The following DLC1 variants were observed in gnomAD, a reference collection of about 807,000 sequenced individuals.
DLC1 encodes DLC1 Rho GTPase activating protein, also known as rho GTPase-activating protein 7.
DLC1 carries 54 observed loss-of-function variants against 140.3 expected under a neutral mutation model. The ratio of observed to expected loss-of-function variants is 0.38; its 90% CI spans 0.31 to 0.48. The LOEUF is 0.48. Among genes scored for constraint, DLC1 ranks in the 20% least tolerant of loss-of-function variants. DLC1 has a pLI of 0.96. For synonymous variants in DLC1, 986 were observed against 728.1 expected, an observed-to-expected ratio of 1.35 and a Z score of -5.70; for missense variants, 2,536 against 1,907.0, an observed-to-expected ratio of 1.33 and a Z score of -6.14.
In DLC1 at chr8:13,499,962, G is replaced by C; in HGVS notation, c.110C>G (p.Ala37Gly). ...TTCCATACTTGCCTGCAAGCTGTCA[G>C]CTACTAGTCCATGATGACATGCTGT... ...RNTACHHGLV[A>G]DSLQASMEKD... is the part of the protein sequence containing the mutation. The change falls in exon 2 of 18, where the codon GCT becomes GGT. Residue 37 changes from alanine to glycine, a missense_variant. Ala to Gly is a moderately conservative substitution (Grantham distance 60). Coordinates refer to ENST00000276297, the MANE Select transcript of DLC1 (RefSeq NM_182643.3). 1 of 1,614,066 alleles carries C rather than the reference G, an allele frequency of 6.2e-7. No individual in the cohort carries two copies. The highest frequency in any genetic ancestry group is 8.5e-7 in the Non-Finnish European group (1 of 1,179,992).
At position 13,487,208 on chromosome 8, in the gene DLC1, A is replaced by G. The variant is rs148702072; in HGVS notation, c.1023+11841T>C. Reference sequence around the variant, plus strand: ...AGAGTATACTTTTGCAAGAAGCAAAATATTGCATTTCCAGTTGTGGATGAT... The same window carrying G: ...AGAGTATACTTTTGCAAGAAGCAAAGTATTGCATTTCCAGTTGTGGATGAT... On this transcript the variant is annotated intron_variant, in intron 2 of 17. Coordinates refer to ENST00000276297, the MANE Select transcript of DLC1 (RefSeq NM_182643.3). Among the ~76,000 whole-genome samples, 82 of 152,338 alleles carry G rather than the reference A, an allele frequency of 5.4e-4. No individual in the cohort carries two copies. The East Asian group carries it at 9.5e-3, about 18-fold the overall frequency.
At chr8:13,263,819 A>C (rs1830567644) in intron 5 of DLC1, among the ~76,000 whole-genome samples, 1 of 151,570 alleles carries the variant, frequency 6.6e-6, no homozygotes, top group African/African-American at 2.4e-5. Flanking sequence ...TATATGTTGA[A>C]CTTTGGCCAT....
In DLC1 at chr8:13,246,467, T is replaced by C. The variant is rs184911445; in HGVS notation, c.1348+58802A>G. On this transcript the variant is annotated intron_variant, in intron 5 of 17. Coordinates refer to ENST00000276297, the MANE Select transcript of DLC1 (RefSeq NM_182643.3). The stretch of plus-strand genomic sequence containing the variant: ...AGTGGTTTTCTTTTTTCTGCGTAGA[T>C]TCACTCATGTGGCATTCTTACGGAG... Among the ~76,000 whole-genome samples the C allele has an allele frequency of 2.8e-4, 42 of 152,276 alleles. 1 individual carries two copies. The highest frequency in any genetic ancestry group is 9.9e-4 in the African/African-American group (41 of 41,544).
intron 5 of DLC1, among the ~76,000 whole-genome samples, chr8:13,169,185 A>C (rs1825297687): frequency 6.6e-6 from 1 of 152,110 alleles, no homozygotes; most frequent in Non-Finnish European, 1.5e-5. Flanking sequence ...CTCATTTTTA[A>C]CCTTTGATTG....
At chr8:13,225,850 C>T (rs1435776483) in intron 5 of DLC1, among the ~76,000 whole-genome samples, 5 of 152,002 alleles carry the variant, frequency 3.3e-5, no homozygotes, top group Non-Finnish European at 7.4e-5. Flanking sequence ...CTCCTGACCT[C>T]GCGATCCGCC....
rs749705851 is a variant in DLC1 at position 13,100,554 on chromosome 8, G to A, written c.1783C>T (p.Arg595Cys). ...AGGCTGCCAGTGCTGCTGAGGCTGC[G>A]GACGGAAGACACCTCCTGGCGCTCG... ...LSERQEVSSVRSLSSTGSLPS... is the reference protein window; with the variant it reads ...LSERQEVSSVCSLSSTGSLPS... Residue 595 changes from arginine to cysteine, a missense_variant, in exon 9 of 18, where the codon CGC becomes TGC. Transcript: ENST00000276297. 9 of 1,613,260 alleles carry A rather than the reference G, an allele frequency of 5.6e-6. No homozygotes were observed. Among genetic ancestry groups the A allele is most frequent in the Admixed American group, 5.0e-5 (3 of 60,004 alleles).
chr8:13,180,676 C>T (rs1432679650), intron 5 of DLC1, among the ~76,000 whole-genome samples: 1 of 152,050 alleles, frequency 6.6e-6, no homozygotes, highest in Non-Finnish European at 1.5e-5. Flanking sequence ...ACTTCAACTT[C>T]TTTATTCATT....
chr8:13,479,922 C>T (rs1319266680), intron 2 of DLC1, among the ~76,000 whole-genome samples: 1 of 76,050 alleles, frequency 1.3e-5, no homozygotes, highest in African/African-American at 3.8e-5. Context: ...TACATATCAG[C>T]CTGTGTGGTG....
chr8:13,102,904 G>C (rs769659483), intron 7 of DLC1, 51 bp from the exon 8 acceptor site: 1 of 1,499,330 alleles, frequency 6.7e-7, no homozygotes, highest in South Asian at 1.2e-5. Flanking sequence ...ACTCTCTAAT[G>C]AGTGGATAAA....
At chr8:13,419,221 A>G (rs890720657) in intron 2 of DLC1, among the ~76,000 whole-genome samples, 2 of 151,916 alleles carry the variant, frequency 1.3e-5, no homozygotes, top group South Asian at 2.1e-4. Context: ...TCTCCTGCCT[A>G]ATTGCCCTGG....
intron 4 of DLC1, among the ~76,000 whole-genome samples, chr8:13,369,085 A>G (rs1835616999): frequency 6.6e-6 from 1 of 152,092 alleles, no homozygotes; most frequent in Non-Finnish European, 1.5e-5. Context: ...GCCTTTGATG[A>G]TGTTTAGAGA....
intron 2 of DLC1, among the ~76,000 whole-genome samples, chr8:13,463,277 A>C (rs185335731): frequency 1.3e-5 from 2 of 152,206 alleles, no homozygotes; most frequent in East Asian, 3.9e-4. Flanking sequence ...ATCATGATCA[A>C]GTGTTTCAGA....
At chr8:13,544,047 T>G (rs186557660) in intron 1 of DLC1, among the ~76,000 whole-genome samples, 16 of 152,060 alleles carry the variant, frequency 1.1e-4, no homozygotes, top group African/African-American at 2.9e-4. Context: ...TGATTAAAAA[T>G]AAGCTTAAAA....
intron 4 of DLC1, among the ~76,000 whole-genome samples, chr8:13,318,420 T>A (rs1047927459): frequency 6.6e-6 from 1 of 152,150 alleles, no homozygotes; most frequent in African/African-American, 2.4e-5. Flanking sequence ...AGAGACAAGG[T>A]CATTTAATTG....
chr8:13,221,061 A>C (rs1447145617), intron 5 of DLC1, among the ~76,000 whole-genome samples: 1 of 152,230 alleles, frequency 6.6e-6, no homozygotes. Context: ...GCACAATAAA[A>C]TAAAGGGAAT....
chr8:13,486,540 A>G (rs1452143223), intron 2 of DLC1, among the ~76,000 whole-genome samples: 1 of 152,178 alleles, frequency 6.6e-6, no homozygotes, highest in East Asian at 1.9e-4. Flanking sequence ...GCAACTTCAC[A>G]CTGGTACCAC....
intron 1 of DLC1, among the ~76,000 whole-genome samples, chr8:13,568,669 A>G (rs1479532010): frequency 2.0e-5 from 3 of 152,342 alleles, no homozygotes; most frequent in Admixed American, 2.0e-4. Context: ...AACCTGCAGA[A>G]AAGATTGTGA....
intron 2 of DLC1, among the ~76,000 whole-genome samples, chr8:13,424,597 G>A (rs1307108385): frequency 1.3e-5 from 2 of 152,000 alleles, no homozygotes; most frequent in Admixed American, 6.5e-5. Context: ...TTCTGAGATG[G>A]AGTCTGGCTC....
At chr8:13,097,794 A>G (rs1818630236) in intron 10 of DLC1, among the ~76,000 whole-genome samples, 1 of 151,998 alleles carries the variant, frequency 6.6e-6, no homozygotes, top group African/African-American at 2.4e-5. Context: ...TCAACTGGCA[A>G]TCTGTCACTC....
Sources: gnomAD v4.1 joint callset for allele counts (sites outside exome capture counted in the v4.1 genomes callset) on GRCh38, gnomAD v4.1.1 for gene constraint, MANE v1.5 for transcripts, NCBI Gene and HGNC (gene_info 2026-07-23, HGNC 2026-07-21) for gene names.